The following RUVBL1 variants were observed in gnomAD, a reference collection of about 807,000 sequenced individuals.
The protein encoded by RUVBL1 is RuvB like AAA ATPase 1.
In RUVBL1, 4 loss-of-function variants were observed where a neutral mutation model predicts 52.4. The ratio of observed to expected loss-of-function variants is 0.08; its 90% CI spans 0.04 to 0.17. The LOEUF is 0.17. Among genes scored for constraint, RUVBL1 ranks in the 10% least tolerant of loss-of-function variants. The probability of loss-of-function intolerance (pLI) is 1.00; values close to 1 mark genes in which losing one functional copy is unlikely to be tolerated. For missense variants in RUVBL1, 298 were observed against 572.8 expected (o/e 0.52, Z 4.90); for synonymous variants, 217 against 214.4 (o/e 1.01, Z -0.10).
chr3:128,119,645 A>G (rs540458367), intron 1 of RUVBL1, among the ~76,000 whole-genome samples: 132 of 152,366 alleles, frequency 8.7e-4, no homozygotes, highest in African/African-American at 2.8e-3. Flanking sequence ...CATTGCACAC[A>G]TAATCTTCAT....
At chr3:128,109,069 T>C (rs543788834) in intron 3 of RUVBL1, among the ~76,000 whole-genome samples, 1 of 152,288 alleles carries the variant, frequency 6.6e-6, no homozygotes, top group East Asian at 1.9e-4. Flanking sequence ...CATAAACCAT[T>C]CCCACACAAT....
intron 1 of RUVBL1, 52 bp downstream of exon 1, chr3:128,123,532 C>A: frequency 2.0e-6 from 3 of 1,488,814 alleles, no homozygotes; most frequent in Non-Finnish European, 2.7e-6. Context: ...GCAGCTCTCT[C>A]GCCGCAGCAG....
At chr3:128,112,859 A>G in intron 3 of RUVBL1, 29 bp downstream of exon 3, 3 of 1,608,770 alleles carry the variant, frequency 1.9e-6, no homozygotes, top group African/African-American at 2.7e-5. Context: ...AGTGAGACCA[A>G]CTCCTCCCAC....
At chr3:128,066,570 G>A (rs1407009395) in intron 9 of RUVBL1, 13 of 208,958 alleles carry the variant, frequency 6.2e-5, no homozygotes, top group Non-Finnish European at 8.7e-5. Context: ...CTACAGGCGC[G>A]CACCACCACA....
intron 1 of RUVBL1, among the ~76,000 whole-genome samples, chr3:128,150,857 TTATATATTATATA>T (rs1175556401): frequency 0.042 from 3,415 of 81,292 alleles, 131 homozygotes; most frequent in South Asian, 0.066. Context: ...ATTCTATATA[TTATATATTATATA>T]TATATATTCT....
At chr3:128,122,720 G>C (rs530934606) in intron 1 of RUVBL1, among the ~76,000 whole-genome samples, 72 of 152,260 alleles carry the variant, frequency 4.7e-4, no homozygotes, top group Non-Finnish European at 8.7e-4. Context: ...AAGGCCAAGG[G>C]GCATGGCTGT....
upstream of RUVBL1, among the ~76,000 whole-genome samples, chr3:128,124,047 A>G (rs553174599): frequency 6.6e-6 from 1 of 152,268 alleles, no homozygotes; most frequent in Non-Finnish European, 1.5e-5. Context: ...GGGGCGTTGC[A>G]CGAGGCAGTG....
intron 9 of RUVBL1, chr3:128,084,065 A>T: frequency 6.5e-6 from 1 of 153,340 alleles, no homozygotes; most frequent in Non-Finnish European, 1.5e-5. Context: ...GCAACAAGAG[A>T]GAAACTCCAT....
At chr3:128,093,325 G>A (rs969929506) in intron 8 of RUVBL1, among the ~76,000 whole-genome samples, 5 of 152,322 alleles carry the variant, frequency 3.3e-5, no homozygotes, top group African/African-American at 1.2e-4. Flanking sequence ...GCCAGTGGAT[G>A]GGGGTAAGGG....
At position 128,081,584 on chromosome 3, in the gene RUVBL1, G is replaced by A. The variant is rs913867893; in HGVS notation, c.1212-175C>T. ...AGTTGTCACTTCTCAGAGAGCTGCA[G>A]TCATTATCCCATCAGAGAGGGTCCA... On this transcript the variant is annotated intron_variant, in intron 10 of 10. Coordinates refer to ENST00000322623, the MANE Select transcript of RUVBL1 (RefSeq NM_003707.3). The surrounding 1 kb of genome is among the most constrained non-coding windows in gnomAD (Gnocchi z 4.8). 1.2e-5 allele frequency: 8 copies of A among 647,884 alleles called. No homozygotes were observed. Among genetic ancestry groups the A allele is most frequent in the Non-Finnish European group, 2.1e-5 (8 of 382,986 alleles). 40.1% of individuals were successfully genotyped at this position (647,884 alleles called of 1,614,324 possible).
chr3:128,105,541 C>G (rs916547313), intron 3 of RUVBL1, among the ~76,000 whole-genome samples: 3 of 152,182 alleles, frequency 2.0e-5, no homozygotes, highest in Non-Finnish European at 4.4e-5. Context: ...AGCCTTTAAT[C>G]CAGTCTCTGA....
At chr3:128,117,235 T>G (rs1943546833) in intron 2 of RUVBL1, among the ~76,000 whole-genome samples, 1 of 152,192 alleles carries the variant, frequency 6.6e-6, no homozygotes, top group Admixed American at 6.5e-5. Flanking sequence ...TTACCCATAA[T>G]TTAGCAGAGT....
At chr3:128,111,867 T>C (rs1415869861) in intron 3 of RUVBL1, among the ~76,000 whole-genome samples, 8 of 152,206 alleles carry the variant, frequency 5.3e-5, no homozygotes, top group African/African-American at 1.9e-4. Context: ...TGGAAACTGG[T>C]ACAGGCACTC....
At chr3:128,126,406 C>T (rs1419866433), upstream of RUVBL1, among the ~76,000 whole-genome samples, 4 of 152,038 alleles carry the variant, frequency 2.6e-5, no homozygotes, top group Admixed American at 1.3e-4. Context: ...ATTACCTGGG[C>T]GTGATGGCAG....
At position 128,099,308 on chromosome 3, in the gene RUVBL1, G is replaced by A. The variant is rs556857115; in HGVS notation, c.754-363C>T. Among the ~76,000 whole-genome samples, 3 of 152,274 alleles carry A rather than the reference G, an allele frequency of 2.0e-5. No individual in the cohort carries two copies. The South Asian group carries it at 6.2e-4, about 32-fold the overall frequency. On this transcript the variant is annotated intron_variant, in intron 6 of 10. Coordinates refer to ENST00000322623, the MANE Select transcript of RUVBL1 (RefSeq NM_003707.3). ...TGAGTCTATTCCATCTGCCAGGAATGCCATTCTCCTTCCTAGAAGTTCCCA... is the reference window on the plus strand; with the variant it reads ...TGAGTCTATTCCATCTGCCAGGAATACCATTCTCCTTCCTAGAAGTTCCCA...
chr3:128,134,494 T>C (rs1194269834), intron 1 of RUVBL1, among the ~76,000 whole-genome samples: 6 of 116,782 alleles, frequency 5.1e-5, no homozygotes, highest in Admixed American at 1.8e-4. Flanking sequence ...TATTTGAAAA[T>C]ACACAGAGGT....
intron 3 of RUVBL1, among the ~76,000 whole-genome samples, chr3:128,107,973 A>C (rs1943287424): frequency 6.6e-6 from 1 of 152,188 alleles, no homozygotes; most frequent in African/African-American, 2.4e-5. Flanking sequence ...ATTTGTTTAG[A>C]AGTTGCTCTG....
chr3:128,109,717 C>G (rs536434227), intron 3 of RUVBL1, among the ~76,000 whole-genome samples: 1 of 151,912 alleles, frequency 6.6e-6, no homozygotes, highest in South Asian at 2.1e-4. Flanking sequence ...TGGTCTCGAA[C>G]TCCTGGGCTC....
chr3:128,137,756 C>T (rs920200808), intron 1 of RUVBL1, among the ~76,000 whole-genome samples: 8 of 152,110 alleles, frequency 5.3e-5, no homozygotes, highest in Non-Finnish European at 1.0e-4. Context: ...CAACTACAGG[C>T]CAATATCCCT....
Sources: allele counts gnomAD v4.1 joint callset (sites outside exome capture counted in the v4.1 genomes callset), GRCh38; gene constraint gnomAD v4.1.1; non-coding constraint Gnocchi (gnomAD v3.1); transcripts MANE v1.5; gene names NCBI Gene and HGNC (gene_info 2026-07-23, HGNC 2026-07-21).